ADGRL3: variants seen among roughly 807,000 people sequenced by gnomAD.
The protein encoded by ADGRL3 is calcium-independent alpha-latrotoxin receptor 3.
ADGRL3 carries 62 observed loss-of-function variants against 153.5 expected under a neutral mutation model. The ratio of observed to expected loss-of-function variants is 0.40; its 90% CI spans 0.33 to 0.50. ADGRL3 has a LOEUF of 0.50. Among genes scored for constraint, ADGRL3 ranks in the 20% least tolerant of loss-of-function variants. ADGRL3 has a pLI of 0.47. For missense variants in ADGRL3, 1,641 were observed against 1,859.4 expected, an observed-to-expected ratio of 0.88 and a Z score of 2.16; for synonymous variants, 710 against 672.5, an observed-to-expected ratio of 1.06 and a Z score of -0.86.
At position 61,674,509 on chromosome 4, in the gene ADGRL3, C is replaced by A. The variant is rs74773365; in HGVS notation, c.474-2317C>A. On this transcript the variant is annotated intron_variant, in intron 5 of 26. Coordinates refer to ENST00000683033, the MANE Select transcript of ADGRL3 (RefSeq NM_001387552.1). The stretch of plus-strand genomic sequence containing the variant: ...TAATAGGGAATAAAATGACTATAGA[C>A]CAAGATAGGAAGAAAAGGAGATATG... 9.6e-3 allele frequency among the ~76,000 whole-genome samples: 1,459 copies of A among 151,574 alleles called. 29 individuals carry two copies. Among genetic ancestry groups the A allele is most frequent in the African/African-American group, 0.033 (1,352 of 41,452 alleles).
chr4:61,618,715 C>T (rs943877919), intron 5 of ADGRL3, among the ~76,000 whole-genome samples: 7 of 152,022 alleles, frequency 4.6e-5, no homozygotes, highest in African/African-American at 1.4e-4. Context: ...TTTCCTTGTT[C>T]GTTTGTTTGT....
At chr4:61,429,341 A>G (rs1055027279) in intron 2 of ADGRL3, among the ~76,000 whole-genome samples, 4 of 152,188 alleles carry the variant, frequency 2.6e-5, no homozygotes, top group African/African-American at 9.6e-5. Flanking sequence ...TAGAAAAGAA[A>G]GGTGGGTAGA....
intron 4 of ADGRL3, chr4:61,583,595 G>A: frequency 2.2e-6 from 1 of 456,610 alleles, no homozygotes; most frequent in East Asian, 6.3e-5. Context: ...CTTTTCACTA[G>A]CTGTATGTTT....
intron 1 of ADGRL3, among the ~76,000 whole-genome samples, chr4:61,273,525 G>A (rs1413229093): frequency 3.3e-5 from 5 of 152,134 alleles, no homozygotes; most frequent in Non-Finnish European, 1.5e-5. Context: ...GTATTTTGTG[G>A]CATTGAATTG....
chr4:62,013,650 G>A (rs1411521842), intron 21 of ADGRL3, among the ~76,000 whole-genome samples: 1 of 152,102 alleles, frequency 6.6e-6, no homozygotes, highest in Non-Finnish European at 1.5e-5. Flanking sequence ...AGCACTTTGG[G>A]AGGCTGAGGT....
intron 5 of ADGRL3, among the ~76,000 whole-genome samples, chr4:61,610,127 A>G (rs2149669048): frequency 7.3e-6 from 1 of 137,118 alleles, no homozygotes; most frequent in African/African-American, 2.9e-5. Context: ...AGTTTAAAAT[A>G]AGGGAAGTGA....
intron 1 of ADGRL3, among the ~76,000 whole-genome samples, chr4:61,266,565 G>T (rs560490565): frequency 6.6e-5 from 10 of 151,832 alleles, no homozygotes; most frequent in Admixed American, 1.3e-4. Context: ...GAAATGTTCT[G>T]CAGTGGATCC....
In ADGRL3 at chr4:61,611,378, G is replaced by T. The variant is rs186247394; in HGVS notation, c.473+23938G>T. Reference sequence around the variant, plus strand: ...TGGCCTATATAGTTTCCAGTGAGCAGCCACTTCTCACATGCAGAAATAAAA... The same window carrying T: ...TGGCCTATATAGTTTCCAGTGAGCATCCACTTCTCACATGCAGAAATAAAA... On this transcript the variant is annotated intron_variant, in intron 5 of 26. Coordinates refer to ENST00000683033, the MANE Select transcript of ADGRL3 (RefSeq NM_001387552.1). Among the ~76,000 whole-genome samples the T allele has an allele frequency of 3.0e-4, 46 of 152,206 alleles. No homozygotes were observed. The East Asian group carries it at 8.5e-3, about 28-fold the overall frequency.
intron 6 of ADGRL3, among the ~76,000 whole-genome samples, chr4:61,721,289 A>G (rs1428852608): frequency 6.6e-6 from 1 of 152,172 alleles, no homozygotes; most frequent in Non-Finnish European, 1.5e-5. Context: ...CCAAAACCTC[A>G]AAAGTAGGGA....
chr4:61,711,221 A>C (rs1051252359), intron 6 of ADGRL3, among the ~76,000 whole-genome samples: 12 of 151,922 alleles, frequency 7.9e-5, no homozygotes, highest in Admixed American at 2.0e-4. Flanking sequence ...CACCACTATC[A>C]ACATTCACAG....
chr4:61,783,011 C>T (rs879846685), intron 8 of ADGRL3, among the ~76,000 whole-genome samples: 4 of 152,224 alleles, frequency 2.6e-5, no homozygotes, highest in East Asian at 1.9e-4. Context: ...TGATAAGAAA[C>T]GTATTCCCAG....
At chr4:61,305,714 A>T (rs1411487397) in intron 1 of ADGRL3, among the ~76,000 whole-genome samples, 1 of 152,136 alleles carries the variant, frequency 6.6e-6, no homozygotes, top group Non-Finnish European at 1.5e-5. Flanking sequence ...AGCGTCAAGC[A>T]GTTAAGGCTT....
intron 8 of ADGRL3, among the ~76,000 whole-genome samples, chr4:61,745,351 A>G (rs1354454382): frequency 1.5e-4 from 23 of 152,266 alleles, no homozygotes; most frequent in Non-Finnish European, 4.4e-5. Context: ...CTCAGGAAAT[A>G]CAGAGAATGC....
chr4:61,211,218 G>A (rs1739862126), intron 1 of ADGRL3, among the ~76,000 whole-genome samples: 2 of 152,132 alleles, frequency 1.3e-5, no homozygotes, highest in African/African-American at 4.8e-5. Context: ...AAGTTATTGT[G>A]TTTCTCACCT....
At chr4:61,579,973 A>C (rs1056795122) in intron 4 of ADGRL3, among the ~76,000 whole-genome samples, 3 of 152,120 alleles carry the variant, frequency 2.0e-5, no homozygotes, top group South Asian at 2.1e-4. Context: ...TTCAGAGCAC[A>C]TTTCTTAAAA....
At chr4:61,394,272 C>T (rs1216244522) in intron 2 of ADGRL3, among the ~76,000 whole-genome samples, 1 of 151,716 alleles carries the variant, frequency 6.6e-6, no homozygotes. Context: ...TTAGTAGGGA[C>T]CTAAGTATAC....
At chr4:61,345,660 A>G (rs72614736) in intron 1 of ADGRL3, among the ~76,000 whole-genome samples, 17,978 of 152,238 alleles carry the variant, frequency 0.12, 1,299 homozygotes, top group South Asian at 0.2. Context: ...CATTATTGGA[A>G]CTTTCTGAAA....
chr4:61,699,935 A>G (rs2095716586), intron 6 of ADGRL3, among the ~76,000 whole-genome samples: 1 of 151,798 alleles, frequency 6.6e-6, no homozygotes, highest in African/African-American at 2.4e-5. Flanking sequence ...CTGTGATCAA[A>G]TAACAAGGAG....
At chr4:61,742,439 C>T (rs571093591) in intron 8 of ADGRL3, among the ~76,000 whole-genome samples, 335 of 151,990 alleles carry the variant, frequency 2.2e-3, no homozygotes, top group African/African-American at 7.2e-3. Flanking sequence ...CCACCACGCC[C>T]GGCTAATTTT....
Sources: gnomAD v4.1 joint callset for allele counts (sites outside exome capture counted in the v4.1 genomes callset) on GRCh38, gnomAD v4.1.1 for gene constraint, MANE v1.5 for transcripts, NCBI Gene and HGNC (gene_info 2026-07-23, HGNC 2026-07-21) for gene names.